Variants in TSHZ3 observed in about 807,000 individuals in gnomAD.
The protein encoded by TSHZ3 is teashirt homolog 3.
Under a neutral mutation model 64.5 loss-of-function variants are expected in TSHZ3, and 10 were observed. The ratio of observed to expected loss-of-function variants is 0.16; its 90% CI spans 0.10 to 0.26. The LOEUF is 0.26. Ranked by LOEUF, TSHZ3 falls within the 10% of genes least tolerant of loss-of-function variation. The pLI is 1.00. For synonymous variants in TSHZ3, 608 were observed against 593.1 expected (o/e 1.03, Z -0.36); for missense variants, 1,242 against 1,421.7 (o/e 0.87, Z 2.03).
intron 1 of TSHZ3, among the ~76,000 whole-genome samples, chr19:31,319,350 ATT>A (rs1189184053): frequency 6.6e-6 from 1 of 152,246 alleles, no homozygotes; most frequent in East Asian, 1.9e-4. Context: ...CACATAAATC[ATT>A]GTTTCCAATA....
At chr19:31,215,585 G>T (rs1056222075) in intron 4 of TSHZ3, among the ~76,000 whole-genome samples, 1 of 152,164 alleles carries the variant, frequency 6.6e-6, no homozygotes, top group African/African-American at 2.4e-5. Flanking sequence ...ACAGAAAAAG[G>T]TTCTAAGCTG....
chr19:31,303,619 G>A (rs910007079), intron 1 of TSHZ3, among the ~76,000 whole-genome samples: 3 of 152,060 alleles, frequency 2.0e-5, no homozygotes, highest in Non-Finnish European at 2.9e-5. Flanking sequence ...CTCATGCCCC[G>A]ACCCCGCCCC....
intron 1 of TSHZ3, among the ~76,000 whole-genome samples, chr19:31,250,464 T>C (rs1975822781): frequency 6.6e-6 from 1 of 152,112 alleles, no homozygotes; most frequent in African/African-American, 2.4e-5. Context: ...ACATCCCAAC[T>C]CCTTACATGG....
intron 1 of TSHZ3, among the ~76,000 whole-genome samples, chr19:31,324,199 C>T (rs563824789): frequency 1.5e-4 from 23 of 152,250 alleles, no homozygotes; most frequent in East Asian, 1.2e-3. Flanking sequence ...GTTTTGAAAG[C>T]GTTATTATTA....
intron 5 of TSHZ3, among the ~76,000 whole-genome samples, chr19:31,183,023 A>T (rs1974741509): frequency 6.6e-6 from 1 of 152,142 alleles, no homozygotes; most frequent in Admixed American, 6.5e-5. Context: ...TAAGAAAAAG[A>T]GAGATTTTGC....
At chr19:31,312,320 A>G (rs530026223) in intron 1 of TSHZ3, among the ~76,000 whole-genome samples, 1 of 152,302 alleles carries the variant, frequency 6.6e-6, no homozygotes, top group South Asian at 2.1e-4. Flanking sequence ...GGGGCTAATG[A>G]CTGTGTTGTC....
Position 31,349,372 on chromosome 19 carries a change from C to T in TSHZ3, c.-153G>A, listed in dbSNP as rs956260904. 2.4e-5 allele frequency: 14 copies of T among 579,220 alleles called. No individual in the cohort carries two copies. Among genetic ancestry groups the T allele is most frequent in the Admixed American group, 4.5e-5 (1 of 22,246 alleles). The allele number at this position is 579,220 out of a possible 1,614,324, so 35.9% of individuals were successfully genotyped here. ...GCCGCCCGCAGGATGCTGCTGCGCC[C>T]AGGCTCTCCGCGTCCCCCCCGCGCC... On this transcript the variant is annotated 5_prime_UTR_variant, in exon 1 of 2. Transcript: ENST00000240587.
At position 31,287,545 on chromosome 19, in the gene TSHZ3, G is replaced by C. The variant is rs544823059; in HGVS notation, c.41-7793C>G. ...ATCAAGTCATCCAGGGTTTGAGAAG[G>C]GGTCAGAGAGAGAGGAGGGGGCCCA... On this transcript the variant is annotated intron_variant, in intron 1 of 1. Coordinates refer to ENST00000240587, the MANE Select transcript of TSHZ3 (RefSeq NM_020856.4). Among the ~76,000 whole-genome samples, 184 of 152,070 alleles carry C rather than the reference G, an allele frequency of 1.2e-3. 2 individuals carry two copies. Among genetic ancestry groups the C allele is most frequent in the Admixed American group, 6.1e-3 (93 of 15,284 alleles).
At chr19:31,239,585 T>G (rs1479483204) in intron 3 of TSHZ3, among the ~76,000 whole-genome samples, 1 of 152,140 alleles carries the variant, frequency 6.6e-6, no homozygotes, top group Non-Finnish European at 1.5e-5. Context: ...TTACACTTTA[T>G]TTTTATTCTT....
At chr19:31,336,608 T>C (rs1252186194) in intron 1 of TSHZ3, among the ~76,000 whole-genome samples, 1 of 152,172 alleles carries the variant, frequency 6.6e-6, no homozygotes, top group African/African-American at 2.4e-5. Flanking sequence ...CCACCAGAAC[T>C]GTAGAAGGGC....
chr19:31,158,733 G>A (rs1489906970), intron 5 of TSHZ3, among the ~76,000 whole-genome samples: 1 of 152,162 alleles, frequency 6.6e-6, no homozygotes, highest in African/African-American at 2.4e-5. Context: ...CTTGCAACTA[G>A]GTGGCCCCAT....
At chr19:31,168,969 T>C (rs1215598076) in intron 5 of TSHZ3, among the ~76,000 whole-genome samples, 1 of 152,146 alleles carries the variant, frequency 6.6e-6, no homozygotes, top group African/African-American at 2.4e-5. Flanking sequence ...TATGTGAACA[T>C]GCGAAGAAGA....
At chr19:31,309,503 C>T (rs994525724) in intron 1 of TSHZ3, among the ~76,000 whole-genome samples, 7 of 152,138 alleles carry the variant, frequency 4.6e-5, no homozygotes, top group Non-Finnish European at 1.0e-4. Flanking sequence ...ACATATGACA[C>T]TCATTTGAGG....
chr19:31,269,830 G>A (rs570997135), intron 1 of TSHZ3, among the ~76,000 whole-genome samples: 2 of 152,348 alleles, frequency 1.3e-5, no homozygotes, highest in East Asian at 3.9e-4. Context: ...CCCCGCTGAT[G>A]CCTGGGGCTT....
chr19:31,348,207 A>G (rs1176432305), intron 1 of TSHZ3, among the ~76,000 whole-genome samples: 1 of 152,060 alleles, frequency 6.6e-6, no homozygotes, highest in African/African-American at 2.4e-5. Flanking sequence ...TGGCCTCACT[A>G]TTGCAAGTGA....
At chr19:31,340,738 C>A (rs1003420211) in intron 1 of TSHZ3, among the ~76,000 whole-genome samples, 1 of 152,206 alleles carries the variant, frequency 6.6e-6, no homozygotes, top group South Asian at 2.1e-4. Context: ...AGGTTTGCAG[C>A]CCAGGCCCAG....
At chr19:31,229,719 G>A (rs1975514790) in intron 3 of TSHZ3, among the ~76,000 whole-genome samples, 1 of 152,066 alleles carries the variant, frequency 6.6e-6, no homozygotes, top group Non-Finnish European at 1.5e-5. Flanking sequence ...GTAACAAAGG[G>A]TTTACATTCT....
intron 1 of TSHZ3, among the ~76,000 whole-genome samples, chr19:31,329,857 C>T (rs767135571): frequency 4.6e-5 from 7 of 152,140 alleles, no homozygotes; most frequent in Non-Finnish European, 8.8e-5. Flanking sequence ...GTCCCATCAG[C>T]GTTGGGTCAA....
intron 1 of TSHZ3, among the ~76,000 whole-genome samples, chr19:31,292,221 G>C (rs923604012): frequency 6.6e-6 from 1 of 152,140 alleles, no homozygotes; most frequent in Non-Finnish European, 1.5e-5. Flanking sequence ...ATAGGAATTG[G>C]GTAAATTATT....
Sources: allele counts gnomAD v4.1 joint callset (sites outside exome capture counted in the v4.1 genomes callset), GRCh38; gene constraint gnomAD v4.1.1; transcripts MANE v1.5; gene names NCBI Gene and HGNC (gene_info 2026-07-23, HGNC 2026-07-21).